SGCE: variants seen among roughly 807,000 people sequenced by gnomAD.
SGCE encodes sarcoglycan epsilon, also known as epsilon-sarcoglycan.
SGCE carries 26 observed loss-of-function variants against 57.8 expected under a neutral mutation model. That is an observed-to-expected ratio of 0.45 (90% CI 0.33 to 0.62). SGCE has a LOEUF of 0.62. SGCE is among the 20% of genes least tolerant of loss of function. SGCE has a pLI of 0.02. For missense variants in SGCE, 468 were observed against 548.6 expected, an observed-to-expected ratio of 0.85 and a Z score of 1.47; for synonymous variants, 183 against 189.5, an observed-to-expected ratio of 0.97 and a Z score of 0.28.
At chr7:94,650,384 A>C (rs1257443356) in intron 1 of SGCE, among the ~76,000 whole-genome samples, 3 of 152,148 alleles carry the variant, frequency 2.0e-5, no homozygotes, top group Non-Finnish European at 4.4e-5. Context: ...TGGACAGAGC[A>C]AGAAATTCCA....
rs143616939 is a variant in SGCE at position 94,647,961 on chromosome 7, A to T, written c.109+8029T>A. On this transcript the variant is annotated intron_variant, in intron 1 of 10. Coordinates refer to ENST00000648936, the MANE Select transcript of SGCE (RefSeq NM_003919.3). ...TGATTAATCAAATAATCTTGAAAAAAACCCTGTTCTTTGTCAACCCCACTA... is the reference window on the plus strand; with the variant it reads ...TGATTAATCAAATAATCTTGAAAAATACCCTGTTCTTTGTCAACCCCACTA... Among the ~76,000 whole-genome samples, 23 of 152,296 alleles carry T rather than the reference A, an allele frequency of 1.5e-4. No homozygotes were observed. In the East Asian group the frequency reaches 3.3e-3, roughly 22 times the overall value.
At chr7:94,651,127 A>T (rs1260333699) in intron 1 of SGCE, among the ~76,000 whole-genome samples, 1 of 152,180 alleles carries the variant, frequency 6.6e-6, no homozygotes, top group Non-Finnish European at 1.5e-5. Flanking sequence ...GTTCATAATA[A>T]CCTTCATTTT....
intron 1 of SGCE, among the ~76,000 whole-genome samples, chr7:94,641,931 G>T (rs1354485820): frequency 6.6e-6 from 1 of 151,940 alleles, no homozygotes; most frequent in East Asian, 1.9e-4. Context: ...ACCACTGCTG[G>T]GACCACTGCA....
intron 10 of SGCE, chr7:94,587,246 A>G (rs1449723158): frequency 1.0e-6 from 1 of 985,888 alleles, no homozygotes; most frequent in Admixed American, 6.1e-5. Context: ...TACTTGCTAA[A>G]AAATCTATGT....
At chr7:94,597,877 G>A (rs1439836472) in intron 9 of SGCE, 1 of 153,310 alleles carries the variant, frequency 6.5e-6, no homozygotes, top group Non-Finnish European at 1.4e-5. Context: ...CATGGGGGCA[G>A]GTGCGTATAA....
chr7:94,652,814 G>A (rs901838950), intron 1 of SGCE, among the ~76,000 whole-genome samples: 1 of 152,060 alleles, frequency 6.6e-6, no homozygotes, highest in African/African-American at 2.4e-5. Flanking sequence ...TAAATTTTCC[G>A]TACCATACCA....
chr7:94,618,294 T>C (rs1034916289), intron 5 of SGCE: 2 of 163,936 alleles, frequency 1.2e-5, no homozygotes, highest in East Asian at 3.6e-4. Context: ...GGTCAGGCTT[T>C]AGGCCTTTGT....
intron 6 of SGCE, 90 bp from the exon 7 acceptor site, chr7:94,600,947 C>T: frequency 6.4e-6 from 7 of 1,088,654 alleles, no homozygotes; most frequent in Non-Finnish European, 9.5e-6. Flanking sequence ...CATTCTTTGA[C>T]AAATTATCTA....
chr7:94,614,292 G>C (rs775290596), intron 5 of SGCE, among the ~76,000 whole-genome samples: 4 of 151,742 alleles, frequency 2.6e-5, no homozygotes, highest in Non-Finnish European at 5.9e-5. Context: ...ATGCTATTGG[G>C]TCCCCTAAAA....
In SGCE at chr7:94,588,747, C is replaced by T. The variant is rs201081438; in HGVS notation, c.1254-15G>A. ...GTGGCAAGTTCCTAGAAATGATGAACATTTTTGAGTAAAACTGTTTGTTTA... is the reference window on the plus strand; with the variant it reads ...GTGGCAAGTTCCTAGAAATGATGAATATTTTTGAGTAAAACTGTTTGTTTA... On this transcript the variant is annotated splice_polypyrimidine_tract_variant and intron_variant, in intron 9 of 10. Transcript: ENST00000648936. 23 of 1,613,422 alleles carry T rather than the reference C, an allele frequency of 1.4e-5. No individual in the cohort carries two copies. The highest frequency in any genetic ancestry group is 1.7e-4 in the Middle Eastern group (1 of 6,052).
At chr7:94,592,461 T>C (rs1441339136) in intron 9 of SGCE, among the ~76,000 whole-genome samples, 1 of 152,172 alleles carries the variant, frequency 6.6e-6, no homozygotes, top group Non-Finnish European at 1.5e-5. Flanking sequence ...TAATGATTAT[T>C]AGACTAAGTG....
chr7:94,588,310 T>C, intron 10 of SGCE: 1 of 1,074,324 alleles, frequency 9.3e-7, no homozygotes. Flanking sequence ...GGTTTCCTTT[T>C]GTAAGAGAGC....
chr7:94,626,703 G>A (rs1482055699), intron 3 of SGCE: 1 of 151,692 alleles, frequency 6.6e-6, no homozygotes, highest in Admixed American at 6.6e-5. Flanking sequence ...TTACTGTACT[G>A]GCTGGGACCT....
intron 9 of SGCE, among the ~76,000 whole-genome samples, chr7:94,590,347 A>G (rs539342339): frequency 6.6e-6 from 1 of 152,286 alleles, no homozygotes; most frequent in Non-Finnish European, 1.5e-5. Context: ...TTAGGTTACC[A>G]TTTAGCATGC....
chr7:94,614,107 C>CAAAAAAAAAAAAAAA (rs925650428), intron 5 of SGCE, among the ~76,000 whole-genome samples: 4 of 94,958 alleles, frequency 4.2e-5, no homozygotes, highest in East Asian at 3.3e-4. Flanking sequence ...AAATTGAAAT[C>CAAAAAAAAAAAAAAA]AAAAAAAAAA....
rs530533177 is a variant in SGCE at position 94,588,640 on chromosome 7, A to G, written c.1297+49T>C. On this transcript the variant is annotated intron_variant, in intron 10 of 10. Coordinates refer to ENST00000648936, the MANE Select transcript of SGCE (RefSeq NM_003919.3). Reference sequence around the variant, plus strand: ...TATATAGTGCCATAATTATCTTTTAATCTATTAGATTCATTCATAAACATT... The same window carrying G: ...TATATAGTGCCATAATTATCTTTTAGTCTATTAGATTCATTCATAAACATT... 6.4e-6 allele frequency: 10 copies of G among 1,564,580 alleles called. No homozygotes were observed. The South Asian group carries it at 8.9e-5, about 14-fold the overall frequency.
At chr7:94,604,987 A>G (rs1799894869) in intron 5 of SGCE, among the ~76,000 whole-genome samples, 1 of 151,474 alleles carries the variant, frequency 6.6e-6, no homozygotes, top group East Asian at 1.9e-4. Context: ...AAGATTGAAA[A>G]CTAATCATAG....
rs189343476 is a variant in SGCE, at chr7:94,601,136, G to A, written c.826-279C>T. The stretch of plus-strand genomic sequence containing the variant: ...ACATATTTAACGTGTGTGCCTATAC[G>A]TGTAGTTGTTCTTTTTCAGTTTCCT... On this transcript the variant is annotated intron_variant, in intron 6 of 10. Transcript: ENST00000648936. 2.8e-3 allele frequency among the ~76,000 whole-genome samples: 422 copies of A among 152,016 alleles called. 1 individual carries two copies. The highest frequency in any genetic ancestry group is 0.01 in the Middle Eastern group (3 of 294).
chr7:94,588,519 A>G, intron 10 of SGCE, 170 bp downstream of exon 10: 3 of 1,445,738 alleles, frequency 2.1e-6, no homozygotes, highest in South Asian at 1.5e-5. Context: ...ATGCCAATCT[A>G]TGTAATAATC....
Sources: gnomAD v4.1 joint callset for allele counts (sites outside exome capture counted in the v4.1 genomes callset) on GRCh38, gnomAD v4.1.1 for gene constraint, MANE v1.5 for transcripts, NCBI Gene and HGNC (gene_info 2026-07-23, HGNC 2026-07-21) for gene names.